The following SOS2 variants were observed in gnomAD, a reference collection of about 807,000 sequenced individuals.
The protein encoded by SOS2 is son of sevenless homolog 2.
A neutral mutation model predicts 148.2 loss-of-function variants in SOS2; 65 were observed. The ratio of observed to expected loss-of-function variants is 0.44; its 90% confidence interval spans 0.36 to 0.54. The LOEUF (loss-of-function observed/expected upper bound fraction) is 0.54. Among genes scored for constraint, SOS2 ranks in the 20% least tolerant of loss-of-function variants. SOS2 has a pLI of 0.00. For synonymous variants in SOS2, 539 were observed against 537.1 expected (o/e 1.00, Z -0.05); for missense variants, 1,341 against 1,590.2 (o/e 0.84, Z 2.67).
rs867819802 is a variant in SOS2, at chr14:50,189,331, C to A, written c.511-631G>T. ...ACACACACACACACACACATAATAG[C>A]AAAAAAAAAAAAAAAAAGCAAGCCT... is the stretch of plus-strand genomic sequence containing the variant. On this transcript the variant is annotated intron_variant, in intron 4 of 22. Coordinates refer to ENST00000216373, the MANE Select transcript of SOS2 (RefSeq NM_006939.4). 4.1e-3 allele frequency among the ~76,000 whole-genome samples: 128 copies of A among 31,436 alleles called. 1 individual carries two copies. The highest frequency in any genetic ancestry group is 6.1e-3 in the South Asian group (5 of 818). 20.6% of individuals were successfully genotyped at this position (31,436 alleles called of 152,430 possible).
intron 1 of SOS2, among the ~76,000 whole-genome samples, chr14:50,214,401 G>C (rs889787325): frequency 1.3e-5 from 2 of 151,680 alleles, no homozygotes; most frequent in Non-Finnish European, 2.9e-5. Context: ...TTAGGTTTTG[G>C]AGAAATAAAT....
rs747222972 is a variant in SOS2 at position 50,161,649 on chromosome 14, T to G, written c.1069-40A>C. The G allele has an allele frequency of 4.4e-6, 7 of 1,591,180 alleles. No homozygotes were observed. The African/African-American group carries it at 8.1e-5, about 18-fold the overall frequency. On this transcript the variant is annotated intron_variant, in intron 8 of 22. Coordinates refer to ENST00000216373, the MANE Select transcript of SOS2 (RefSeq NM_006939.4). ...AAAGAAAAATCAAAACTGCATTGTT[T>G]GATTCTTCCCCCAACTTTCTAGTAA...
intron 4 of SOS2, among the ~76,000 whole-genome samples, chr14:50,189,294 G>A (rs1280177503): frequency 7.1e-5 from 7 of 99,068 alleles, no homozygotes; most frequent in Admixed American, 4.8e-4. Context: ...ATGTATATAT[G>A]TATACTGTAA....
intron 7 of SOS2, among the ~76,000 whole-genome samples, chr14:50,178,662 GTGTGTGTGCA>G (rs1272067435): frequency 1.2e-3 from 20 of 16,704 alleles, no homozygotes; most frequent in African/African-American, 3.6e-3. Flanking sequence ...GTGTGTGTGT[GTGTGTGTGCA>G]TATATATATA....
intron 16 of SOS2, among the ~76,000 whole-genome samples, chr14:50,141,331 G>A (rs1290341162): frequency 6.6e-6 from 1 of 151,048 alleles, no homozygotes; most frequent in Admixed American, 6.6e-5. Flanking sequence ...ACCAGTCTGC[G>A]CAACATAGCA....
chr14:50,142,811 T>C (rs1263252473), intron 16 of SOS2, among the ~76,000 whole-genome samples: 2 of 152,244 alleles, frequency 1.3e-5, no homozygotes. Context: ...CTGGTGTGTT[T>C]ATTTCTTTGC....
At chr14:50,119,041 G>C (rs960119721) in intron 22 of SOS2, among the ~76,000 whole-genome samples, 188 bp from the exon 23 acceptor site, 1 of 152,068 alleles carries the variant, frequency 6.6e-6, no homozygotes, top group Admixed American at 6.6e-5. Context: ...TTATATATGA[G>C]ATGTTTTAAT....
intron 1 of SOS2, among the ~76,000 whole-genome samples, chr14:50,207,502 C>T (rs1434210028): frequency 6.6e-6 from 1 of 151,624 alleles, no homozygotes; most frequent in Admixed American, 6.6e-5. Context: ...ATGAGCAAGA[C>T]CTCATCTCTA....
At chr14:50,193,977 TCAGA>T (rs1410787798) in intron 4 of SOS2, among the ~76,000 whole-genome samples, 1 of 152,172 alleles carries the variant, frequency 6.6e-6, no homozygotes, top group Non-Finnish European at 1.5e-5. Context: ...ACTCCTGAGC[TCAGA>T]CAATCTGCCC....
chr14:50,123,019 G>A (rs755626860), intron 21 of SOS2, among the ~76,000 whole-genome samples: 6 of 152,078 alleles, frequency 3.9e-5, no homozygotes, highest in Non-Finnish European at 8.8e-5. Context: ...GGAAAGATAA[G>A]TAAAAGTATG....
chr14:50,139,066 C>A (rs1190701486), intron 17 of SOS2, among the ~76,000 whole-genome samples: 1 of 152,082 alleles, frequency 6.6e-6, no homozygotes, highest in East Asian at 1.9e-4. Flanking sequence ...TTTCTAAACT[C>A]TAATTTCACC....
rs79158141 is a variant in SOS2, at chr14:50,213,772, G to A, written c.88-9363C>T. Among the ~76,000 whole-genome samples, 1,497 of 151,998 alleles carry A rather than the reference G, an allele frequency of 9.8e-3. 16 individuals carry two copies. The highest frequency in any genetic ancestry group is 0.065 in the Middle Eastern group (19 of 294). On this transcript the variant is annotated intron_variant, in intron 1 of 22. Transcript: ENST00000216373. ...AATTAAGATATAACTTTGAAGTGGG[G>A]GAAGAGAAAGTGGAAAGTGTGTGTG...
chr14:50,201,083 T>G lies in SOS2; in HGVS notation c.215A>C (p.Glu72Ala), dbSNP rs1886471144. 1 of 1,613,622 alleles carries G rather than the reference T, an allele frequency of 6.2e-7. No homozygotes were observed. Among genetic ancestry groups the G allele is most frequent in the Non-Finnish European group, 8.5e-7 (1 of 1,179,694 alleles). ...GTGAGGAAAGGTCTTCTGAACTCGC[T>G]CCTGCTCAATCACAGCAGAACCATT... ...AQPRTVQDVE[E>A]RVQKTFPHPI... Residue 72 changes from glutamate to alanine, a missense_variant and splice_region_variant, in exon 3 of 23, where the codon GAG becomes GCG. By Grantham distance (107) the Glu-to-Ala change is moderately radical. This residue lies in a region of SOS2 where 574 missense variants were observed against 711.1 expected (regional missense o/e 0.81). Coordinates refer to ENST00000216373, the MANE Select transcript of SOS2 (RefSeq NM_006939.4).
intron 22 of SOS2, 90 bp from the exon 23 acceptor site, chr14:50,118,943 T>A: frequency 1.3e-6 from 1 of 779,478 alleles, no homozygotes; most frequent in Non-Finnish European, 1.9e-6. Flanking sequence ...CTTGTCAAGT[T>A]AAATTCAGAG....
intron 14 of SOS2, among the ~76,000 whole-genome samples, chr14:50,146,586 G>A (rs1208228056): frequency 6.6e-6 from 1 of 152,102 alleles, no homozygotes; most frequent in Non-Finnish European, 1.5e-5. Flanking sequence ...GCAGAGGGTT[G>A]CAGTGAGCTG....
chr14:50,170,823 A>C (rs906215245), intron 8 of SOS2, among the ~76,000 whole-genome samples: 1 of 151,834 alleles, frequency 6.6e-6, no homozygotes, highest in African/African-American at 2.4e-5. Flanking sequence ...AAAAAAAAAA[A>C]AAAAACAGGC....
intron 5 of SOS2, among the ~76,000 whole-genome samples, chr14:50,184,245 C>G (rs555017108): frequency 6.6e-6 from 1 of 152,042 alleles, no homozygotes; most frequent in Non-Finnish European, 1.5e-5. Context: ...CTGACCATCC[C>G]GGTTATGGCC....
intron 1 of SOS2, among the ~76,000 whole-genome samples, chr14:50,224,388 A>G: frequency 6.8e-6 from 1 of 147,592 alleles, no homozygotes; most frequent in African/African-American, 2.5e-5. Context: ...GGCTCTGGGG[A>G]GGTCAGAAGG....
At chr14:50,121,424 C>A (rs570689219) in intron 21 of SOS2, among the ~76,000 whole-genome samples, 1 of 151,648 alleles carries the variant, frequency 6.6e-6, no homozygotes, top group Non-Finnish European at 1.5e-5. Context: ...ACTTTAAACA[C>A]TCTAACTGAA....
Sources: gnomAD v4.1 joint callset for allele counts (sites outside exome capture counted in the v4.1 genomes callset) on GRCh38, gnomAD v4.1.1 for gene constraint, gnomAD v4.1.1 regional missense constraint, MANE v1.5 for transcripts, NCBI Gene and HGNC (gene_info 2026-07-23, HGNC 2026-07-21) for gene names.